FNTB: variants seen among roughly 807,000 people sequenced by gnomAD.
FNTB encodes the protein farnesyltransferase, CAAX box, subunit beta, also known as protein farnesyltransferase subunit beta.
FNTB carries 27 observed loss-of-function variants against 59.4 expected under a neutral mutation model. The observed-to-expected ratio is 0.45, with a 90% CI of 0.34 to 0.63. The LOEUF (loss-of-function observed/expected upper bound fraction) is 0.63, where lower values mean the gene tolerates loss of function less well. FNTB is among the 20% of genes least tolerant of loss of function. The pLI is 0.02. For missense variants in FNTB, 449 were observed against 559.6 expected (o/e 0.80, Z 1.99); for synonymous variants, 230 against 220.7 (o/e 1.04, Z -0.37).
intron 2 of FNTB, among the ~76,000 whole-genome samples, chr14:65,004,607 GGTGGCCTGCTGCT>G (rs1481196888): frequency 6.6e-6 from 1 of 152,064 alleles, no homozygotes; most frequent in Non-Finnish European, 1.5e-5. Flanking sequence ...TTTGTTTAGT[GGTGGCCTGCTGCT>G]CTGGTCTTCA....
chr14:65,058,109 A>G (rs891943087), intron 11 of FNTB, among the ~76,000 whole-genome samples: 28 of 141,170 alleles, frequency 2.0e-4, no homozygotes, highest in African/African-American at 7.9e-4. Context: ...GAGAGAACCA[A>G]CTTTTTTTTT....
At position 65,032,344 on chromosome 14, in the gene FNTB, T is replaced by C. The variant is rs2062103313; in HGVS notation, c.606-266T>C. ...TTGACATGAATTGATATGGCTGTTA[T>C]TTCCTCTGATGTAGATTGGACCATG... On this transcript the variant is annotated intron_variant, in intron 6 of 11. Transcript: ENST00000246166. This position sits in a 1 kb window ranked among gnomAD's most constrained non-coding sequence, Gnocchi z 5.0. 3.1e-6 allele frequency: 1 copy of C among 322,454 alleles called. No homozygotes were observed. The highest frequency in any genetic ancestry group is 5.7e-6 in the Non-Finnish European group (1 of 176,872). The allele number at this position is 322,454 out of a possible 1,614,324, so 20.0% of individuals were successfully genotyped here. A position where few individuals can be genotyped will look rare whatever the true frequency, so the allele number is the denominator to read the frequency against.
chr14:65,051,565 C>T (rs1348720956), intron 9 of FNTB, among the ~76,000 whole-genome samples: 5 of 151,284 alleles, frequency 3.3e-5, no homozygotes, highest in East Asian at 2.0e-4. Flanking sequence ...GAGCCGAGAT[C>T]GTGCCATTGC....
rs1255163980 is a variant in FNTB at position 65,023,294 on chromosome 14, A to T, written c.375-4159A>T. 6.6e-6 allele frequency among the ~76,000 whole-genome samples: 1 copy of T among 152,140 alleles called. No individual in the cohort carries two copies. Among genetic ancestry groups the T allele is most frequent in the East Asian group, 1.9e-4 (1 of 5,188 alleles). On this transcript the variant is annotated intron_variant, in intron 4 of 11. Transcript: ENST00000246166. This position sits in a 1 kb window ranked among gnomAD's most constrained non-coding sequence, Gnocchi z 4.1. ...GGCTGGCCTTGAACTCCTGAGCTCA[A>T]GTGATCCCCCTCACCTCAGCCAAAG...
rs576264957 is a variant in FNTB, at chr14:65,024,218, C to A, written c.375-3235C>A. ...AACTCAAGTTTGAGAAGCACTGATA[C>A]CTGGCTGAACATTGGAATCACGTGG... On this transcript the variant is annotated intron_variant, in intron 4 of 11. Coordinates refer to ENST00000246166, the MANE Select transcript of FNTB (RefSeq NM_002028.4). 3.9e-5 allele frequency among the ~76,000 whole-genome samples: 6 copies of A among 152,180 alleles called. No homozygotes were observed. The South Asian group carries it at 1.2e-3, about 32-fold the overall frequency.
chr14:64,989,453 A>C (rs1256605440), intron 1 of FNTB, among the ~76,000 whole-genome samples: 1 of 151,910 alleles, frequency 6.6e-6, no homozygotes, highest in Non-Finnish European at 1.5e-5. Context: ...AAAACAAAAA[A>C]CGACTATACT....
chr14:64,992,245 A>G (rs1349592433), intron 1 of FNTB, among the ~76,000 whole-genome samples: 1 of 152,200 alleles, frequency 6.6e-6, no homozygotes, highest in Admixed American at 6.5e-5. Context: ...TTCCCCATTA[A>G]AAAGTCCAAA....
In FNTB at chr14:65,046,137, C is replaced by G. The variant is rs945932486; in HGVS notation, c.955+1694C>G. The stretch of plus-strand genomic sequence containing the variant: ...GATTATAGGCATGCACCACCACGCC[C>G]AGCCAATTTTGTATTTTTAGTAGAG... On this transcript the variant is annotated intron_variant, in intron 9 of 11. Transcript: ENST00000246166. Among the ~76,000 whole-genome samples the G allele has an allele frequency of 2.6e-5, 4 of 152,142 alleles. No homozygotes were observed. In the South Asian group the frequency reaches 8.3e-4, roughly 32 times the overall value.
At chr14:65,013,161 T>G (rs1292077586) in intron 3 of FNTB, among the ~76,000 whole-genome samples, 7 of 152,176 alleles carry the variant, frequency 4.6e-5, no homozygotes, top group African/African-American at 1.4e-4. Context: ...TGGCAATGAT[T>G]TGCCAACTCA....
chr14:65,032,562 T>G lies in FNTB; in HGVS notation c.606-48T>G, dbSNP rs767095867. The G allele has an allele frequency of 6.2e-7, 1 of 1,604,110 alleles. No homozygotes were observed. Among genetic ancestry groups the G allele is most frequent in the Non-Finnish European group, 8.5e-7 (1 of 1,176,810 alleles). ...CGCCCGCGGAGTTCACTGAGCCTCA[T>G]TAGCTCTTCCGTAGAGCTTAATGTG... is the stretch of plus-strand genomic sequence containing the variant. On this transcript the variant is annotated intron_variant, in intron 6 of 11. Transcript: ENST00000246166. This position sits in a 1 kb window ranked among gnomAD's most constrained non-coding sequence, Gnocchi z 5.0.
At chr14:65,015,160 T>A (rs1227184003) in intron 3 of FNTB, among the ~76,000 whole-genome samples, 2 of 151,612 alleles carry the variant, frequency 1.3e-5, no homozygotes, top group Non-Finnish European at 2.9e-5. Context: ...TGGAGTGCAG[T>A]GGTGCCATCT....
At chr14:65,043,101 G>A (rs1383800394) in intron 8 of FNTB, among the ~76,000 whole-genome samples, 1 of 152,176 alleles carries the variant, frequency 6.6e-6, no homozygotes, top group Non-Finnish European at 1.5e-5. Context: ...GAAACAGGAA[G>A]TACCCTCCCC....
At chr14:65,050,232 C>T (rs1227555221) in intron 9 of FNTB, among the ~76,000 whole-genome samples, 1 of 152,152 alleles carries the variant, frequency 6.6e-6, no homozygotes, top group Non-Finnish European at 1.5e-5. Context: ...TAATCAGAGG[C>T]ATGCAAATCA....
At chr14:64,993,109 C>T (rs971299372) in intron 1 of FNTB, among the ~76,000 whole-genome samples, 8 of 152,106 alleles carry the variant, frequency 5.3e-5, no homozygotes, top group Non-Finnish European at 7.4e-5. Flanking sequence ...CATGAGCCAC[C>T]GCGCCCAGCT....
In FNTB at chr14:65,054,544, A is replaced by C. The variant is rs995587210; in HGVS notation, c.1068-31A>C. 3.8e-6 allele frequency: 6 copies of C among 1,596,004 alleles called. No individual in the cohort carries two copies. In the African/African-American group the frequency reaches 8.1e-5, roughly 21 times the overall value. ...TTTGTAGATGTGTGCGGAGCAGAGG[A>C]GCGCCTGCTCAGAGCTGCCTGTCCT... On this transcript the variant is annotated intron_variant, in intron 10 of 11. Transcript: ENST00000246166. This position sits in a 1 kb window ranked among gnomAD's most constrained non-coding sequence, Gnocchi z 4.4.
Position 65,023,358 on chromosome 14 carries a change from A to G in FNTB, c.375-4095A>G, listed in dbSNP as rs912158240. Among the ~76,000 whole-genome samples, 5 of 152,132 alleles carry G rather than the reference A, an allele frequency of 3.3e-5. No homozygotes were observed. Among genetic ancestry groups the G allele is most frequent in the African/African-American group, 1.2e-4 (5 of 41,438 alleles). ...GGCATGAGCCACCACGCCTGGCCAG[A>G]ATCAATCACTTTAGATCAGTCCTCA... On this transcript the variant is annotated intron_variant, in intron 4 of 11. Transcript: ENST00000246166. This position sits in a 1 kb window ranked among gnomAD's most constrained non-coding sequence, Gnocchi z 4.1.
At position 65,014,057 on chromosome 14, in the gene FNTB, C is replaced by T. The variant is rs999348902; in HGVS notation, c.283-1568C>T. On this transcript the variant is annotated intron_variant, in intron 3 of 11. Coordinates refer to ENST00000246166, the MANE Select transcript of FNTB (RefSeq NM_002028.4). The surrounding 1 kb of genome is among the most constrained non-coding windows in gnomAD (Gnocchi z 5.1). Reference sequence around the variant, plus strand: ...CTTCCAGGTGGTGGGTTAGCCACAGCTTGGGATATCAGCATAGTTTTGAAG... The same window carrying T: ...CTTCCAGGTGGTGGGTTAGCCACAGTTTGGGATATCAGCATAGTTTTGAAG... Among the ~76,000 whole-genome samples, 1 of 152,166 alleles carries T rather than the reference C, an allele frequency of 6.6e-6. No individual in the cohort carries two copies. Among genetic ancestry groups the T allele is most frequent in the African/African-American group, 2.4e-5 (1 of 41,434 alleles).
rs549580253 is a variant in FNTB at position 64,997,497 on chromosome 14, G to A, written c.145-6752G>A. ...TTTGAGTAATAACTCTGTCTCCAGT[G>A]TGGTGTTGCCAGCTGCATGTCAGTT... is the stretch of plus-strand genomic sequence containing the variant. On this transcript the variant is annotated intron_variant, in intron 1 of 11. Transcript: ENST00000246166. The surrounding 1 kb of genome is among the most constrained non-coding windows in gnomAD (Gnocchi z 4.5). Among the ~76,000 whole-genome samples the A allele has an allele frequency of 1.6e-4, 25 of 152,346 alleles. No individual in the cohort carries two copies. Among genetic ancestry groups the A allele is most frequent in the African/African-American group, 5.3e-4 (22 of 41,578 alleles).
At chr14:64,989,447 C>CA (rs1888096209) in intron 1 of FNTB, among the ~76,000 whole-genome samples, 1 of 145,486 alleles carries the variant, frequency 6.9e-6, no homozygotes, top group Non-Finnish European at 1.5e-5. Flanking sequence ...TCTCTTAAAA[C>CA]AAAAAACGAC....
Sources: allele counts gnomAD v4.1 joint callset (sites outside exome capture counted in the v4.1 genomes callset), GRCh38; gene constraint gnomAD v4.1.1; non-coding constraint Gnocchi (gnomAD v3.1); transcripts MANE v1.5; gene names NCBI Gene and HGNC (gene_info 2026-07-23, HGNC 2026-07-21).